CA10: variants seen among roughly 807,000 people sequenced by gnomAD.
The protein encoded by CA10 is carbonic anhydrase 10 (inactive), also known as carbonic anhydrase-related protein 10.
CA10 carries 14 observed loss-of-function variants against 44.2 expected under a neutral mutation model. The ratio of observed to expected loss-of-function variants is 0.32; its 90% confidence interval spans 0.21 to 0.50. The LOEUF is 0.50. Ranked by LOEUF, CA10 falls within the 20% of genes least tolerant of loss-of-function variation. The pLI is 0.99. For missense variants in CA10, 350 were observed against 409.7 expected (o/e 0.85, Z 1.26); for synonymous variants, 159 against 141.6 (o/e 1.12, Z -0.87).
At chr17:51,788,864 T>C (rs565889631) in intron 3 of CA10, among the ~76,000 whole-genome samples, 6 of 152,264 alleles carry the variant, frequency 3.9e-5, no homozygotes, top group East Asian at 3.9e-4. Flanking sequence ...CCCTGAAAGA[T>C]TGGGATAAAA....
chr17:51,823,394 T>C (rs1451738873), intron 3 of CA10, among the ~76,000 whole-genome samples: 1 of 152,210 alleles, frequency 6.6e-6, no homozygotes, highest in African/African-American at 2.4e-5. Context: ...TGTCCTCTAC[T>C]CGTGGTTGGA....
intron 4 of CA10, among the ~76,000 whole-genome samples, chr17:51,734,523 T>C (rs1598016798): frequency 1.3e-5 from 2 of 152,166 alleles, no homozygotes; most frequent in African/African-American, 4.8e-5. Flanking sequence ...GACTGGACTG[T>C]TCGGGCAAGG....
chr17:51,750,038 G>A (rs1904838166), intron 3 of CA10, among the ~76,000 whole-genome samples: 1 of 152,184 alleles, frequency 6.6e-6, no homozygotes, highest in Non-Finnish European at 1.5e-5. Context: ...TAGTTAGTGT[G>A]AGATAATCAG....
At chr17:51,906,048 C>T (rs1981536581) in intron 3 of CA10, among the ~76,000 whole-genome samples, 1 of 152,106 alleles carries the variant, frequency 6.6e-6, no homozygotes, top group Non-Finnish European at 1.5e-5. Flanking sequence ...TTGACACCTA[C>T]AGAGACTCTG....
intron 3 of CA10, among the ~76,000 whole-genome samples, chr17:51,897,058 G>C (rs1981102331): frequency 6.6e-6 from 1 of 152,032 alleles, no homozygotes; most frequent in Non-Finnish European, 1.5e-5. Flanking sequence ...TTGCTGTTTA[G>C]AAGCCCTTTA....
chr17:51,796,948 C>G (rs775883116), intron 3 of CA10, among the ~76,000 whole-genome samples: 2 of 152,054 alleles, frequency 1.3e-5, no homozygotes, highest in Admixed American at 1.3e-4. Context: ...GGGTGACCTC[C>G]CTAACAATTA....
chr17:52,109,994 A>G (rs889809049), intron 1 of CA10, among the ~76,000 whole-genome samples: 4 of 152,216 alleles, frequency 2.6e-5, no homozygotes, highest in Admixed American at 6.5e-5. Context: ...AGGAGCTTAT[A>G]TAACTGTGCA....
At chr17:51,687,710 GC>G (rs1330645105) in intron 4 of CA10, among the ~76,000 whole-genome samples, 1 of 152,012 alleles carries the variant, frequency 6.6e-6, no homozygotes, top group Admixed American at 6.6e-5. Context: ...TTTACTTATT[GC>G]TTTTTTGATA....
At chr17:52,085,100 T>G (rs1206054150) in intron 1 of CA10, among the ~76,000 whole-genome samples, 1 of 152,216 alleles carries the variant, frequency 6.6e-6, no homozygotes, top group South Asian at 2.1e-4. Flanking sequence ...TTTAGACTTA[T>G]CCATCACTCA....
chr17:51,652,306 T>C (rs1162826249), intron 5 of CA10, among the ~76,000 whole-genome samples: 4 of 152,240 alleles, frequency 2.6e-5, no homozygotes, highest in Non-Finnish European at 4.4e-5. Context: ...ATACATATCA[T>C]AGTGTCTGGC....
intron 2 of CA10, among the ~76,000 whole-genome samples, chr17:51,992,176 C>T (rs894548334): frequency 6.6e-6 from 1 of 152,026 alleles, no homozygotes; most frequent in African/African-American, 2.4e-5. Flanking sequence ...AACCACTGTC[C>T]TGTTGTGTCC....
At chr17:51,796,054 G>T (rs955216535) in intron 3 of CA10, among the ~76,000 whole-genome samples, 3 of 152,174 alleles carry the variant, frequency 2.0e-5, no homozygotes, top group Non-Finnish European at 4.4e-5. Flanking sequence ...TAGCAGCAGT[G>T]AGACTGGAAC....
chr17:52,143,923 T>C (rs902995532), intron 1 of CA10, among the ~76,000 whole-genome samples: 1 of 152,210 alleles, frequency 6.6e-6, no homozygotes, highest in Admixed American at 6.5e-5. Flanking sequence ...ATACAGTATT[T>C]ATCATCTGTC....
chr17:52,139,447 G>A (rs1395549626), intron 1 of CA10, among the ~76,000 whole-genome samples: 2 of 131,128 alleles, frequency 1.5e-5, no homozygotes, highest in Admixed American at 8.4e-5. Flanking sequence ...TGTAAGACAA[G>A]GTGATTTTTT....
intron 4 of CA10, among the ~76,000 whole-genome samples, chr17:51,682,927 T>G (rs1458139128): frequency 6.6e-6 from 1 of 152,196 alleles, no homozygotes; most frequent in Non-Finnish European, 1.5e-5. Flanking sequence ...CAAATTTGCC[T>G]GCTTATAAGA....
intron 2 of CA10, among the ~76,000 whole-genome samples, chr17:52,000,598 G>C (rs1203501538): frequency 6.6e-6 from 1 of 152,056 alleles, no homozygotes; most frequent in Admixed American, 6.6e-5. Context: ...AATAAGCACA[G>C]AGTATAAAAA....
At chr17:51,754,951 T>C (rs1395755324) in intron 3 of CA10, among the ~76,000 whole-genome samples, 1 of 151,890 alleles carries the variant, frequency 6.6e-6, no homozygotes, top group Non-Finnish European at 1.5e-5. Flanking sequence ...CTACATTATC[T>C]ATATCTGTAT....
chr17:51,867,428 T>C (rs978608453), intron 3 of CA10, among the ~76,000 whole-genome samples: 2 of 152,200 alleles, frequency 1.3e-5, no homozygotes, highest in Non-Finnish European at 2.9e-5. Flanking sequence ...AATGCAAATA[T>C]CTGTTTTAAC....
chr17:51,796,220 CT>C (rs147671218), intron 3 of CA10, among the ~76,000 whole-genome samples: 1 of 150,816 alleles, frequency 6.6e-6, no homozygotes. Context: ...CAATCCTGTT[CT>C]TTTTTTTTAG....
Sources: gnomAD v4.1 joint callset for allele counts (sites outside exome capture counted in the v4.1 genomes callset) on GRCh38, gnomAD v4.1.1 for gene constraint, MANE v1.5 for transcripts, NCBI Gene and HGNC (gene_info 2026-07-23, HGNC 2026-07-21) for gene names.